SIK3: variants seen among roughly 807,000 people sequenced by gnomAD.
SIK3 encodes the protein serine/threonine-protein kinase SIK3.
Under a neutral mutation model 144.2 loss-of-function variants are expected in SIK3, and 28 were observed. The ratio of observed to expected loss-of-function variants is 0.19; its 90% CI spans 0.14 to 0.27. SIK3 has a LOEUF of 0.27. Among genes scored for constraint, SIK3 ranks in the 10% least tolerant of loss-of-function variants. SIK3 has a pLI of 1.00. For synonymous variants in SIK3, 686 were observed against 676.3 expected, an observed-to-expected ratio of 1.01 and a Z score of -0.22; for missense variants, 1,319 against 1,776.0, an observed-to-expected ratio of 0.74 and a Z score of 4.62.
At chr11:116,940,341 T>C (rs2513099) in intron 3 of SIK3, among the ~76,000 whole-genome samples, 8,890 of 151,856 alleles carry the variant, frequency 0.059, 503 homozygotes, top group African/African-American at 0.14. Context: ...GTGATTCTTG[T>C]ACCTCAGCCT....
chr11:117,082,888 C>T (rs73576656), intron 1 of SIK3, among the ~76,000 whole-genome samples: 8,494 of 152,130 alleles, frequency 0.056, 523 homozygotes, highest in African/African-American at 0.15. Flanking sequence ...AGAAACATCC[C>T]GATTCCCGCA....
At chr11:117,061,341 G>C (rs1953785408) in intron 1 of SIK3, among the ~76,000 whole-genome samples, 1 of 152,184 alleles carries the variant, frequency 6.6e-6, no homozygotes, top group Admixed American at 6.5e-5. Context: ...GTGTGTGTGT[G>C]TGAGCGAACA....
intron 1 of SIK3, among the ~76,000 whole-genome samples, chr11:117,011,885 T>C (rs1206962993): frequency 3.3e-5 from 5 of 152,078 alleles, no homozygotes; most frequent in South Asian, 2.1e-4. Flanking sequence ...GCCTACGCAA[T>C]AGAGAGAAAG....
rs551876053 is a variant in SIK3 at position 116,970,470 on chromosome 11, C to T, written c.274-13406G>A. Among the ~76,000 whole-genome samples the T allele has an allele frequency of 1.2e-4, 18 of 152,194 alleles. 1 individual carries two copies. In the South Asian group the frequency reaches 3.7e-3, roughly 32 times the overall value. On this transcript the variant is annotated intron_variant, in intron 1 of 24. Transcript: ENST00000445177. Reference sequence around the variant, plus strand: ...ATCTTGGTTAGTTAAAGTAATCAAGCCATTTAGTTTTAGTTATTATTTCTT... The same window carrying T: ...ATCTTGGTTAGTTAAAGTAATCAAGTCATTTAGTTTTAGTTATTATTTCTT...
intron 1 of SIK3, among the ~76,000 whole-genome samples, chr11:116,961,336 A>T (rs966850182): frequency 6.6e-6 from 1 of 152,198 alleles, no homozygotes; most frequent in Non-Finnish European, 1.5e-5. Context: ...GTTTTCTAAA[A>T]AGCAGAAAAA....
At chr11:116,899,834 A>G (rs1945642929) in intron 4 of SIK3, among the ~76,000 whole-genome samples, 1 of 152,172 alleles carries the variant, frequency 6.6e-6, no homozygotes, top group Non-Finnish European at 1.5e-5. Context: ...CTGAAATCAC[A>G]GCATCTGAAA....
intron 1 of SIK3, among the ~76,000 whole-genome samples, chr11:117,055,103 C>T (rs1051830868): frequency 6.6e-6 from 1 of 152,122 alleles, no homozygotes; most frequent in Non-Finnish European, 1.5e-5. Flanking sequence ...AGTTTATTCA[C>T]GGACACAGTC....
intron 1 of SIK3, among the ~76,000 whole-genome samples, chr11:117,056,521 T>C (rs1953531017): frequency 6.8e-6 from 1 of 147,912 alleles, no homozygotes. Flanking sequence ...ACTTAAAGTA[T>C]AATAAAAATA....
rs532210755 is a variant in SIK3 at position 116,998,716 on chromosome 11, G to A, written c.274-41652C>T. On this transcript the variant is annotated intron_variant, in intron 1 of 24. Transcript: ENST00000445177. ...TAATGCCTCGAGAAAGCCCAGCTAGGGCCTGGCACACAGAGGTTTCATTTA... is the reference window on the plus strand; with the variant it reads ...TAATGCCTCGAGAAAGCCCAGCTAGAGCCTGGCACACAGAGGTTTCATTTA... Among the ~76,000 whole-genome samples the A allele has an allele frequency of 5.9e-5, 9 of 152,196 alleles. 1 individual carries two copies. In the South Asian group the frequency reaches 1.9e-3, roughly 32 times the overall value.
intron 6 of SIK3, among the ~76,000 whole-genome samples, chr11:116,884,214 G>A (rs772373916): frequency 2.6e-5 from 4 of 151,904 alleles, no homozygotes; most frequent in Non-Finnish European, 5.9e-5. Context: ...TTTTTATTTT[G>A]AAATGGAGTC....
intron 1 of SIK3, among the ~76,000 whole-genome samples, chr11:117,070,456 T>TTC (rs1954213547): frequency 6.6e-6 from 1 of 151,564 alleles, no homozygotes; most frequent in Admixed American, 6.6e-5. Flanking sequence ...TTTTTTTTTT[T>TTC]CTTTTTTGAG....
In SIK3 at chr11:117,035,918, G is replaced by A. The variant is rs879140461; in HGVS notation, c.273+62225C>T. 7.0e-5 allele frequency: 112 copies of A among 1,595,138 alleles called. 1 individual carries two copies. In the Admixed American group the frequency reaches 1.2e-3, roughly 16 times the overall value. On this transcript the variant is annotated intron_variant, in intron 1 of 24. Transcript: ENST00000445177. ...TACCGTTTGTGCATGGCTAAAGACCGTGATGATTTTATAGCATCCTGGGCA... is the reference window on the plus strand; with the variant it reads ...TACCGTTTGTGCATGGCTAAAGACCATGATGATTTTATAGCATCCTGGGCA...
chr11:116,999,214 A>G (rs973001808), intron 1 of SIK3, among the ~76,000 whole-genome samples: 3 of 152,240 alleles, frequency 2.0e-5, no homozygotes, highest in African/African-American at 7.2e-5. Flanking sequence ...AAAGTTTTAA[A>G]GCATTTTGTT....
Position 116,846,253 on chromosome 11 carries a change from G to A in SIK3, c.*13+130C>T. 1 of 894,514 alleles carries A rather than the reference G, an allele frequency of 1.1e-6. No homozygotes were observed. Among genetic ancestry groups the A allele is most frequent in the Non-Finnish European group, 1.7e-6 (1 of 583,892 alleles). 55.4% of individuals were successfully genotyped at this position (894,514 alleles called of 1,614,324 possible). A position where few individuals can be genotyped will look rare whatever the true frequency, so the allele number is the denominator to read the frequency against. On this transcript the variant is annotated intron_variant, in intron 24 of 24. Coordinates refer to ENST00000445177, the MANE Select transcript of SIK3 (RefSeq NM_001366686.3). This position sits in a 1 kb window ranked among gnomAD's most constrained non-coding sequence, Gnocchi z 4.1. ...TTAATGAAAAGCAAGAAACTGTGAAGGCCACGAGGGGAGGCGTGGTACTGT... is the reference window on the plus strand; with the variant it reads ...TTAATGAAAAGCAAGAAACTGTGAAAGCCACGAGGGGAGGCGTGGTACTGT...
intron 1 of SIK3, among the ~76,000 whole-genome samples, chr11:117,018,749 G>A (rs1382516047): frequency 1.3e-5 from 2 of 149,288 alleles, no homozygotes; most frequent in Admixed American, 6.7e-5. Context: ...GTTTCACTCC[G>A]TCACCCAGTC....
chr11:116,949,813 A>T (rs1948850122), intron 3 of SIK3, among the ~76,000 whole-genome samples: 1 of 152,096 alleles, frequency 6.6e-6, no homozygotes, highest in African/African-American at 2.4e-5. Flanking sequence ...TTGAGAGTAC[A>T]ATCAGGTTTG....
intron 1 of SIK3, among the ~76,000 whole-genome samples, chr11:116,976,751 A>C (rs1949961049): frequency 6.6e-6 from 1 of 152,254 alleles, no homozygotes; most frequent in Admixed American, 6.5e-5. Flanking sequence ...AATGAATCAA[A>C]TGAAAAGATT....
chr11:117,098,326 G>T lies in SIK3; in HGVS notation c.90C>A (p.Pro30=). ...AGPAGRLLPP[P]APGSPAAPAA... is the part of the protein sequence containing the mutation. The stretch of plus-strand genomic sequence containing the variant: ...CGGGGGCGGCTGGGGACCCCGGCGC[G>T]GGCGGAGGCAGCAGGCGGCCCGCGG... Residue 30 remains proline, a synonymous_variant, in exon 1 of 25, where the codon CCC becomes CCA. Transcript: ENST00000445177. 8.7e-7 allele frequency: 1 copy of T among 1,155,910 alleles called. No homozygotes were observed. The highest frequency in any genetic ancestry group is 4.2e-5 in the South Asian group (1 of 23,992). The allele number at this position is 1,155,910 out of a possible 1,614,324, so 71.6% of individuals were successfully genotyped here.
At chr11:116,947,810 C>T (rs945021533) in intron 3 of SIK3, among the ~76,000 whole-genome samples, 1 of 151,920 alleles carries the variant, frequency 6.6e-6, no homozygotes, top group African/African-American at 2.4e-5. Context: ...GTGATCTGCC[C>T]ACCTCAGCCT....
Sources: allele counts gnomAD v4.1 joint callset (sites outside exome capture counted in the v4.1 genomes callset), GRCh38; gene constraint gnomAD v4.1.1; non-coding constraint Gnocchi (gnomAD v3.1); transcripts MANE v1.5; gene names NCBI Gene and HGNC (gene_info 2026-07-23, HGNC 2026-07-21).